Variants in GREM2 observed in about 807,000 individuals in gnomAD.
GREM2 encodes gremlin-2.
In GREM2, 11 loss-of-function variants were observed where a neutral mutation model predicts 14.2. The observed-to-expected ratio is 0.78, with a 90% confidence interval of 0.49 to 1.28. GREM2 has a LOEUF of 1.28. Among genes scored for constraint, GREM2 ranks in the 50% most tolerant of loss-of-function variants. GREM2 has a pLI of 0.00. For synonymous variants in GREM2, 98 were observed against 97.6 expected, an observed-to-expected ratio of 1.00 and a Z score of -0.02; for missense variants, 210 against 218.5, an observed-to-expected ratio of 0.96 and a Z score of 0.24.
intron 1 of GREM2, among the ~76,000 whole-genome samples, chr1:240,581,250 CAAA>C (rs58517545): frequency 1.2e-4 from 11 of 89,128 alleles, no homozygotes; most frequent in Admixed American, 1.2e-4. Flanking sequence ...AAATCCATCT[CAAA>C]AAAAAAAAAA....
chr1:240,601,420 T>C (rs980446749), intron 1 of GREM2, among the ~76,000 whole-genome samples: 1 of 152,124 alleles, frequency 6.6e-6, no homozygotes. Context: ...CCTAAGATAA[T>C]GTGAGGACAT....
chr1:240,521,124 G>A (rs1678074549), intron 1 of GREM2, among the ~76,000 whole-genome samples: 1 of 152,100 alleles, frequency 6.6e-6, no homozygotes, highest in Non-Finnish European at 1.5e-5. Flanking sequence ...CCCTTGCTCT[G>A]TTCCATTCCC....
intron 1 of GREM2, among the ~76,000 whole-genome samples, chr1:240,547,433 G>A (rs571773477): frequency 6.7e-6 from 1 of 150,274 alleles, no homozygotes; most frequent in African/African-American, 2.4e-5. Flanking sequence ...CCGGGAGGTG[G>A]AGGTTGCAGT....
rs1000684393 is a variant in GREM2 at position 240,489,888 on chromosome 1, A to G, written c.*3081T>C. Reference sequence around the variant, plus strand: ...ATATTCTGTCCCATTTAATAAACTAAGATGAATTATTTCCTAGGAAGTTGA... The same window carrying G: ...ATATTCTGTCCCATTTAATAAACTAGGATGAATTATTTCCTAGGAAGTTGA... On this transcript the variant is annotated 3_prime_UTR_variant, in exon 2 of 2. Coordinates refer to ENST00000318160, the MANE Select transcript of GREM2 (RefSeq NM_022469.4). The G allele has an allele frequency of 1.3e-5, 2 of 152,370 alleles. No homozygotes were observed. Among genetic ancestry groups the G allele is most frequent in the African/African-American group, 2.4e-5 (1 of 41,596 alleles). The allele number at this position is 152,370 out of a possible 1,614,324, so 9.4% of individuals were successfully genotyped here.
Position 240,542,670 on chromosome 1 carries a change from T to C in GREM2, c.-1-49194A>G, listed in dbSNP as rs1041325101. Among the ~76,000 whole-genome samples, 2 of 152,010 alleles carry C rather than the reference T, an allele frequency of 1.3e-5. No homozygotes were observed. Among genetic ancestry groups the C allele is most frequent in the Non-Finnish European group, 2.9e-5 (2 of 68,010 alleles). ...TTTCTAAAGAGCTGATATATTTTTCTCAGAAGGCTTGATCACACTTTGGAT... is the reference window on the plus strand; with the variant it reads ...TTTCTAAAGAGCTGATATATTTTTCCCAGAAGGCTTGATCACACTTTGGAT... On this transcript the variant is annotated intron_variant, in intron 1 of 1. Transcript: ENST00000318160. The surrounding 1 kb of genome is among the most constrained non-coding windows in gnomAD (Gnocchi z 4.1).
rs1344652024 is a variant in GREM2, at chr1:240,542,965, A to G, written c.-1-49489T>C. Among the ~76,000 whole-genome samples, 1 of 152,206 alleles carries G rather than the reference A, an allele frequency of 6.6e-6. No homozygotes were observed. On this transcript the variant is annotated intron_variant, in intron 1 of 1. Coordinates refer to ENST00000318160, the MANE Select transcript of GREM2 (RefSeq NM_022469.4). The surrounding 1 kb of genome is among the most constrained non-coding windows in gnomAD (Gnocchi z 4.1). ...GTTCTGTAAGATCCCACCAAAAAAT[A>G]TCACCTTCTTTGTGAAGCCTCTTAC...
chr1:240,582,489 A>T (rs2103378685), intron 1 of GREM2, among the ~76,000 whole-genome samples: 2 of 152,204 alleles, frequency 1.3e-5, no homozygotes. Context: ...TCTGACCTGA[A>T]TAAAATTTTA....
rs1367044972 is a variant in GREM2, at chr1:240,547,515, ATATAT to A, written c.-1-54044_-1-54040del. Among the ~76,000 whole-genome samples, 177 of 64,212 alleles carry A rather than the reference ATATAT, an allele frequency of 2.8e-3. 1 individual carries two copies. The highest frequency in any genetic ancestry group is 9.6e-3 in the African/African-American group (164 of 17,016). 42.1% of individuals were successfully genotyped at this position (64,212 alleles called of 152,430 possible). The stretch of plus-strand genomic sequence containing the variant: ...ACTCCATCTCAAAAAAAAAAAAAAA[ATATAT>A]ATATATATATATATAGATAGATAGA... On this transcript the variant is annotated intron_variant, in intron 1 of 1. Transcript: ENST00000318160.
intron 1 of GREM2, among the ~76,000 whole-genome samples, chr1:240,533,381 A>C (rs1264406600): frequency 2.6e-5 from 4 of 152,212 alleles, no homozygotes; most frequent in African/African-American, 9.7e-5. Flanking sequence ...TCTGTAGCTA[A>C]AGCACACAAG....
chr1:240,500,786 A>T (rs112711039), intron 1 of GREM2, among the ~76,000 whole-genome samples: 1 of 152,074 alleles, frequency 6.6e-6, no homozygotes, highest in Middle Eastern at 3.2e-3. Flanking sequence ...CCAGTTTTTC[A>T]CTATTGCCAA....
intron 1 of GREM2, among the ~76,000 whole-genome samples, chr1:240,500,804 G>A (rs1372918795): frequency 6.6e-6 from 1 of 152,146 alleles, no homozygotes; most frequent in African/African-American, 2.4e-5. Flanking sequence ...CAATAGTGCT[G>A]AACTGAACAT....
chr1:240,501,832 C>G lies in GREM2; in HGVS notation c.-1-8356G>C, dbSNP rs149267223. Among the ~76,000 whole-genome samples the G allele has an allele frequency of 5.9e-5, 9 of 152,190 alleles. No individual in the cohort carries two copies. The East Asian group carries it at 1.7e-3, about 29-fold the overall frequency. ...TTGTTGCTGTCAGAAGAATGTGACACTGAAATCACATCAAAACCCAAGAAC... is the reference window on the plus strand; with the variant it reads ...TTGTTGCTGTCAGAAGAATGTGACAGTGAAATCACATCAAAACCCAAGAAC... On this transcript the variant is annotated intron_variant, in intron 1 of 1. Coordinates refer to ENST00000318160, the MANE Select transcript of GREM2 (RefSeq NM_022469.4).
At chr1:240,608,299 G>C (rs1450062803) in intron 1 of GREM2, among the ~76,000 whole-genome samples, 2 of 152,238 alleles carry the variant, frequency 1.3e-5, no homozygotes, top group Non-Finnish European at 1.5e-5. Context: ...AAGATCGTTT[G>C]AAATGCTGAT....
In GREM2 at chr1:240,552,581, A is replaced by G. The variant is rs577157870; in HGVS notation, c.-1-59105T>C. ...CTGCACTCCAGCAGAGCAAGACCCT[A>G]TCTCTAAAATCGTTTTAAATTGAAA... On this transcript the variant is annotated intron_variant, in intron 1 of 1. Coordinates refer to ENST00000318160, the MANE Select transcript of GREM2 (RefSeq NM_022469.4). Among the ~76,000 whole-genome samples, 3 of 152,300 alleles carry G rather than the reference A, an allele frequency of 2.0e-5. No individual in the cohort carries two copies. In the East Asian group the frequency reaches 5.8e-4, roughly 29 times the overall value.
chr1:240,511,739 G>A (rs545877773), intron 1 of GREM2, among the ~76,000 whole-genome samples: 24 of 152,266 alleles, frequency 1.6e-4, no homozygotes, highest in Non-Finnish European at 2.2e-4. Context: ...CAGCCTGGGC[G>A]ACAAGAGCGA....
At chr1:240,581,482 A>G (rs1182146007) in intron 1 of GREM2, among the ~76,000 whole-genome samples, 3 of 152,192 alleles carry the variant, frequency 2.0e-5, no homozygotes, top group Non-Finnish European at 4.4e-5. Flanking sequence ...TGAACATTTT[A>G]AGTTAAAATA....
At chr1:240,609,563 G>GT (rs1680093139) in intron 1 of GREM2, among the ~76,000 whole-genome samples, 1 of 151,918 alleles carries the variant, frequency 6.6e-6, no homozygotes, top group Admixed American at 6.6e-5. Flanking sequence ...CATTTAAGCC[G>GT]AGTGCTGGGC....
intron 1 of GREM2, among the ~76,000 whole-genome samples, chr1:240,507,058 G>A (rs1677689584): frequency 6.6e-6 from 1 of 152,218 alleles, no homozygotes; most frequent in African/African-American, 2.4e-5. Context: ...GAATATCGGA[G>A]GAAGAGCTGG....
chr1:240,569,275 C>T (rs1027785793), intron 1 of GREM2, among the ~76,000 whole-genome samples: 3 of 152,242 alleles, frequency 2.0e-5, no homozygotes, highest in South Asian at 2.1e-4. Context: ...TACCAGTTCT[C>T]GCCAGATGGA....
Sources: allele counts gnomAD v4.1 joint callset (sites outside exome capture counted in the v4.1 genomes callset), GRCh38; gene constraint gnomAD v4.1.1; non-coding constraint Gnocchi (gnomAD v3.1); transcripts MANE v1.5; gene names NCBI Gene and HGNC (gene_info 2026-07-23, HGNC 2026-07-21).